The following BAZ2B variants were observed in gnomAD, a reference collection of about 807,000 sequenced individuals.
BAZ2B encodes the protein bromodomain adjacent to zinc finger domain 2B.
Under a neutral mutation model 246.0 loss-of-function variants are expected in BAZ2B, and 91 were observed. That is an observed-to-expected ratio of 0.37 (90% CI 0.31 to 0.44). BAZ2B has a LOEUF of 0.44. BAZ2B is among the 20% of genes least tolerant of loss of function. The pLI is 1.00. For synonymous variants in BAZ2B, 855 were observed against 860.0 expected, an observed-to-expected ratio of 0.99 and a Z score of 0.10; for missense variants, 2,332 against 2,533.7, an observed-to-expected ratio of 0.92 and a Z score of 1.71.
chr2:159,682,340 C>T, the BAZ2B span, among the ~76,000 whole-genome samples: 1 of 151,838 alleles, frequency 6.6e-6, no homozygotes, highest in Non-Finnish European at 1.5e-5. Flanking sequence ...ACCACCATGC[C>T]CAGCTAATTT....
the BAZ2B span, among the ~76,000 whole-genome samples, chr2:159,621,872 G>A: frequency 5.3e-5 from 8 of 152,146 alleles, no homozygotes; most frequent in East Asian, 1.2e-3. Flanking sequence ...TTGGGAGGCC[G>A]AGGCAGGTGG....
At chr2:159,423,602 AGACATG>A (rs1267417530) in intron 13 of BAZ2B, among the ~76,000 whole-genome samples, 2 of 152,236 alleles carry the variant, frequency 1.3e-5, no homozygotes, top group Non-Finnish European at 2.9e-5. Flanking sequence ...ACAATAGCAA[AGACATG>A]GAATCAACCT....
the BAZ2B span, chr2:159,689,538 AT>A: frequency 4.4e-6 from 1 of 228,338 alleles, no homozygotes; most frequent in Non-Finnish European, 8.5e-6. Flanking sequence ...CACCCGGCTT[AT>A]TTTTTTGTAT....
At chr2:159,628,053 T>C in the BAZ2B span, among the ~76,000 whole-genome samples, 1 of 152,054 alleles carries the variant, frequency 6.6e-6, no homozygotes, top group African/African-American at 2.4e-5. Flanking sequence ...AAATCATGAG[T>C]GAACTCCCAT....
chr2:159,523,629 G>A (rs961298921), intron 2 of BAZ2B, among the ~76,000 whole-genome samples: 20 of 151,680 alleles, frequency 1.3e-4, no homozygotes, highest in South Asian at 4.2e-4. Flanking sequence ...GGTTGAACCC[G>A]GGAGGCAGAG....
rs746330983 is a variant in BAZ2B at position 159,349,984 on chromosome 2, A to G, written c.4587T>C (p.Phe1529=). Residue 1529 remains phenylalanine (F), a synonymous_variant, in exon 28 of 37, where the codon TTT becomes TTC. Transcript: ENST00000392783. ...NVEKADSNNL[F]NTGSSGPGKF... ...TCCCTGGACCACTTGAACCAGTATTAAACAGATTATTAGAGTCTGCCTTTT... is the reference window on the plus strand; with the variant it reads ...TCCCTGGACCACTTGAACCAGTATTGAACAGATTATTAGAGTCTGCCTTTT... 2 of 1,614,178 alleles carry G rather than the reference A, an allele frequency of 1.2e-6. No individual in the cohort carries two copies. Among genetic ancestry groups the G allele is most frequent in the Non-Finnish European group, 1.7e-6 (2 of 1,180,008 alleles).
At chr2:159,668,292 C>T in the BAZ2B span, among the ~76,000 whole-genome samples, 1 of 130,622 alleles carries the variant, frequency 7.7e-6, no homozygotes, top group Non-Finnish European at 1.5e-5. Flanking sequence ...GATCTTTATA[C>T]ACATTATTGC....
chr2:159,350,224 A>G lies in BAZ2B; in HGVS notation c.4347T>C (p.Asp1449=), dbSNP rs761524186. ...GATTTGTGTTATCTTTTTCTTTAAG[A>G]TCTTCCTTTTGTTCACAGTGATCTG... ...SNTDHCEQKE[D]LKEKDNTNLF... The change falls in exon 28 of 37, where the codon GAT becomes GAC. Residue 1449 remains aspartate (D), a synonymous_variant. Coordinates refer to ENST00000392783, the MANE Select transcript of BAZ2B (RefSeq NM_013450.4). 2 of 1,613,794 alleles carry G rather than the reference A, an allele frequency of 1.2e-6. No individual in the cohort carries two copies. Among genetic ancestry groups the G allele is most frequent in the Non-Finnish European group, 1.7e-6 (2 of 1,179,890 alleles).
At chr2:159,574,969 C>CA (rs1447127608) in intron 1 of BAZ2B, among the ~76,000 whole-genome samples, 221 of 129,220 alleles carry the variant, frequency 1.7e-3, no homozygotes, top group Admixed American at 3.2e-3. Flanking sequence ...GACTCCATCT[C>CA]AAAAAAAAAA....
intron 3 of BAZ2B, among the ~76,000 whole-genome samples, chr2:159,477,868 G>A (rs2078791145): frequency 6.6e-6 from 1 of 152,130 alleles, no homozygotes; most frequent in African/African-American, 2.4e-5. Flanking sequence ...TGTTGCCCAG[G>A]CTGGAATGCA....
chr2:159,690,063 C>A, the BAZ2B span: 2 of 449,740 alleles, frequency 4.4e-6, no homozygotes, highest in South Asian at 6.7e-5. Context: ...CTTCAGTAAT[C>A]AGTTTGAATT....
intron 6 of BAZ2B, among the ~76,000 whole-genome samples, chr2:159,440,702 G>C (rs890231616): frequency 1.4e-4 from 21 of 151,900 alleles, no homozygotes; most frequent in African/African-American, 4.3e-4. Flanking sequence ...GTAGAGACGG[G>C]GTTTCCCCAT....
intron 36 of BAZ2B, 29 bp from the exon 37 acceptor site, chr2:159,320,447 C>G: frequency 6.6e-7 from 1 of 1,512,252 alleles, no homozygotes; most frequent in Non-Finnish European, 8.8e-7. Flanking sequence ...TTAGAGATTG[C>G]GTTCATAGAG....
chr2:159,370,330 A>G (rs1260171970), intron 27 of BAZ2B, among the ~76,000 whole-genome samples: 1 of 74,642 alleles, frequency 1.3e-5, no homozygotes, highest in Non-Finnish European at 4.3e-5. Flanking sequence ...AAAAATATAT[A>G]TTTATTAAAA....
intron 3 of BAZ2B, among the ~76,000 whole-genome samples, chr2:159,454,151 TAAG>T (rs1469651967): frequency 6.6e-6 from 1 of 152,012 alleles, no homozygotes; most frequent in Admixed American, 6.6e-5. Flanking sequence ...ATTTTACTCA[TAAG>T]AAGGGAAATA....
At chr2:159,559,527 G>T (rs1309920983) in intron 1 of BAZ2B, among the ~76,000 whole-genome samples, 1 of 151,930 alleles carries the variant, frequency 6.6e-6, no homozygotes, top group Non-Finnish European at 1.5e-5. Context: ...TGATTTTTTG[G>T]AAAAATTATA....
At chr2:159,335,915 C>T (rs1028033320) in intron 33 of BAZ2B, among the ~76,000 whole-genome samples, 3 of 152,146 alleles carry the variant, frequency 2.0e-5, no homozygotes, top group Non-Finnish European at 4.4e-5. Context: ...AATCCTAGCA[C>T]TTTGGGAGGC....
intron 22 of BAZ2B, 76 bp from the exon 23 acceptor site, chr2:159,385,445 C>T: frequency 1.5e-6 from 2 of 1,327,762 alleles, no homozygotes; most frequent in Non-Finnish European, 1.1e-6. Flanking sequence ...TAAAAATCCT[C>T]ATATTATTTG....
chr2:159,682,488 T>C, the BAZ2B span, among the ~76,000 whole-genome samples: 3 of 152,166 alleles, frequency 2.0e-5, no homozygotes. Context: ...TCAGGCTCTT[T>C]CTATTGGCCA....
Sources: gnomAD v4.1 joint callset for allele counts (sites outside exome capture counted in the v4.1 genomes callset) on GRCh38, gnomAD v4.1.1 for gene constraint, MANE v1.5 for transcripts, NCBI Gene and HGNC (gene_info 2026-07-23, HGNC 2026-07-21) for gene names.